SEMA3E: variants seen among roughly 807,000 people sequenced by gnomAD.
SEMA3E encodes the protein semaphorin-3E.
A neutral mutation model predicts 93.6 loss-of-function variants in SEMA3E; 49 were observed. The observed-to-expected ratio is 0.52, with a 90% CI of 0.42 to 0.66. SEMA3E has a LOEUF of 0.66. Ranked by LOEUF, SEMA3E falls within the 30% of genes least tolerant of loss-of-function variation. SEMA3E has a pLI of 0.00. For missense variants in SEMA3E, 906 were observed against 964.8 expected (o/e 0.94, Z 0.81); for synonymous variants, 363 against 330.7 (o/e 1.10, Z -1.06).
intron 4 of SEMA3E, among the ~76,000 whole-genome samples, chr7:83,463,816 G>A (rs887008878): frequency 1.3e-5 from 2 of 151,940 alleles, no homozygotes; most frequent in Non-Finnish European, 2.9e-5. Context: ...TACTCCTCAG[G>A]GATTATTCAG....
At chr7:83,522,428 G>A (rs997075622) in intron 1 of SEMA3E, among the ~76,000 whole-genome samples, 2 of 151,988 alleles carry the variant, frequency 1.3e-5, no homozygotes, top group African/African-American at 4.8e-5. Flanking sequence ...CAGGTCCCTC[G>A]ACTCTATCAG....
rs115207886 is a variant in SEMA3E, at chr7:83,413,803, T to C, written c.550+4587A>G. Among the ~76,000 whole-genome samples, 426 of 152,296 alleles carry C rather than the reference T, an allele frequency of 2.8e-3. 2 individuals carry two copies. The highest frequency in any genetic ancestry group is 8.4e-3 in the African/African-American group (349 of 41,580). On this transcript the variant is annotated intron_variant, in intron 5 of 16. Coordinates refer to ENST00000643230, the MANE Select transcript of SEMA3E (RefSeq NM_012431.3). ...TATCTTTTGAATCTGTTTATTTGTG[T>C]GTGCCAGCACCCATGGCTGTACTCT... is the stretch of plus-strand genomic sequence containing the variant.
chr7:83,520,201 A>G (rs1378304697), intron 1 of SEMA3E, among the ~76,000 whole-genome samples: 1 of 152,066 alleles, frequency 6.6e-6, no homozygotes, highest in Non-Finnish European at 1.5e-5. Context: ...TTATTACTCA[A>G]TGAATTTACA....
chr7:83,400,628 T>A (rs940010834), intron 10 of SEMA3E, among the ~76,000 whole-genome samples: 1 of 152,050 alleles, frequency 6.6e-6, no homozygotes, highest in African/African-American at 2.4e-5. Context: ...GTTACAGAAA[T>A]AGAATCTTCC....
intron 1 of SEMA3E, among the ~76,000 whole-genome samples, chr7:83,592,624 A>G (rs1449611823): frequency 2.0e-5 from 3 of 152,188 alleles, no homozygotes; most frequent in Non-Finnish European, 2.9e-5. Flanking sequence ...CAATAGGTTC[A>G]ATTTGCTATG....
chr7:83,495,258 T>G (rs183938972), intron 1 of SEMA3E, among the ~76,000 whole-genome samples: 11 of 151,998 alleles, frequency 7.2e-5, no homozygotes, highest in African/African-American at 1.9e-4. Flanking sequence ...ATATGAAAAT[T>G]TGAGTCTTCA....
At chr7:83,580,846 T>G (rs571136437) in intron 1 of SEMA3E, among the ~76,000 whole-genome samples, 1 of 152,122 alleles carries the variant, frequency 6.6e-6, no homozygotes, top group South Asian at 2.1e-4. Context: ...GCTGTGAATA[T>G]TTGTTCAATA....
At chr7:83,526,039 C>T (rs886668439) in intron 1 of SEMA3E, among the ~76,000 whole-genome samples, 1 of 151,810 alleles carries the variant, frequency 6.6e-6, no homozygotes, top group African/African-American at 2.4e-5. Flanking sequence ...AACTGTGTCT[C>T]TGGAGAGCTG....
chr7:83,499,362 C>T (rs1412571942), intron 1 of SEMA3E, among the ~76,000 whole-genome samples: 2 of 152,242 alleles, frequency 1.3e-5, no homozygotes, highest in East Asian at 3.9e-4. Context: ...GTGCCTGTAT[C>T]CCCATAACCT....
intron 1 of SEMA3E, among the ~76,000 whole-genome samples, chr7:83,594,855 T>A (rs1353841708): frequency 1.3e-5 from 2 of 151,926 alleles, no homozygotes; most frequent in Non-Finnish European, 2.9e-5. Context: ...ATGGTCTGAA[T>A]GATTCACTTT....
intron 1 of SEMA3E, among the ~76,000 whole-genome samples, chr7:83,551,415 G>A (rs1791762174): frequency 6.6e-6 from 1 of 151,994 alleles, no homozygotes; most frequent in Admixed American, 6.6e-5. Context: ...CTATTATAAA[G>A]TACCAAACCA....
chr7:83,617,389 C>A (rs1178478211), intron 1 of SEMA3E, among the ~76,000 whole-genome samples: 1 of 146,840 alleles, frequency 6.8e-6, no homozygotes, highest in East Asian at 2.0e-4. Flanking sequence ...TTCCATTTCA[C>A]TTACTGGAAT....
chr7:83,602,439 C>T (rs1414719344), intron 1 of SEMA3E, among the ~76,000 whole-genome samples: 1 of 152,030 alleles, frequency 6.6e-6, no homozygotes, highest in Non-Finnish European at 1.5e-5. Context: ...ACAGATATGC[C>T]CTCATCTTAC....
At position 83,429,896 on chromosome 7, in the gene SEMA3E, GA is replaced by G. The variant is rs368638422; in HGVS notation, c.457-11414del. Among the ~76,000 whole-genome samples the G allele has an allele frequency of 5.2e-3, 766 of 147,552 alleles. 7 individuals are homozygous for G. Among genetic ancestry groups the G allele is most frequent in the African/African-American group, 0.018 (714 of 40,262 alleles). On this transcript the variant is annotated intron_variant, in intron 4 of 16. Coordinates refer to ENST00000643230, the MANE Select transcript of SEMA3E (RefSeq NM_012431.3). ...ATGCTGTTTAAAAATGACTTTGCTGGAAAAAAAAAATGACTTCACTGATATT... is the reference window on the plus strand; with the variant it reads ...ATGCTGTTTAAAAATGACTTTGCTGGAAAAAAAAATGACTTCACTGATATT...
At chr7:83,485,021 G>GC (rs1179459847) in intron 2 of SEMA3E, among the ~76,000 whole-genome samples, 1 of 152,104 alleles carries the variant, frequency 6.6e-6, no homozygotes, top group African/African-American at 2.4e-5. Flanking sequence ...ACATTGGAAA[G>GC]CTATTTGGCA....
At chr7:83,482,608 T>G (rs1584279281) in intron 2 of SEMA3E, among the ~76,000 whole-genome samples, 2 of 136,732 alleles carry the variant, frequency 1.5e-5, no homozygotes, top group Admixed American at 7.3e-5. Context: ...AAGCAGACAG[T>G]GAAGAGAACA....
chr7:83,443,937 A>ATATG (rs1175914398), intron 4 of SEMA3E, among the ~76,000 whole-genome samples: 1 of 141,576 alleles, frequency 7.1e-6, no homozygotes, highest in Non-Finnish European at 1.6e-5. Flanking sequence ...ATATATATAT[A>ATATG]TATGTTTATT....
At chr7:83,629,003 T>C (rs1009047445) in intron 1 of SEMA3E, among the ~76,000 whole-genome samples, 1 of 152,134 alleles carries the variant, frequency 6.6e-6, no homozygotes, top group Non-Finnish European at 1.5e-5. Flanking sequence ...GTTGATGCTA[T>C]TGCTTCCTGC....
intron 4 of SEMA3E, among the ~76,000 whole-genome samples, chr7:83,466,092 ATAT>A (rs1157073444): frequency 6.6e-6 from 1 of 152,190 alleles, no homozygotes; most frequent in Non-Finnish European, 1.5e-5. Context: ...CCCTTGTAAA[ATAT>A]TATATTTTAT....
Sources: allele counts gnomAD v4.1 joint callset (sites outside exome capture counted in the v4.1 genomes callset), GRCh38; gene constraint gnomAD v4.1.1; transcripts MANE v1.5; gene names NCBI Gene and HGNC (gene_info 2026-07-23, HGNC 2026-07-21).